The following SAMHD1 variants were observed in gnomAD, a reference collection of about 807,000 sequenced individuals.
SAMHD1 encodes SAM and HD domain containing deoxynucleoside triphosphate triphosphohydrolase 1.
SAMHD1 carries 54 observed loss-of-function variants against 79.6 expected under a neutral mutation model. The ratio of observed to expected loss-of-function variants is 0.68; its 90% confidence interval spans 0.55 to 0.85. The LOEUF (loss-of-function observed/expected upper bound fraction) is 0.85, where lower values mean the gene tolerates loss of function less well. Among genes scored for constraint, SAMHD1 ranks in the 40% least tolerant of loss-of-function variants. SAMHD1 has a pLI of 0.00. For synonymous variants in SAMHD1, 260 were observed against 264.1 expected (o/e 0.98, Z 0.15); for missense variants, 663 against 782.7 (o/e 0.85, Z 1.82).
At chr20:36,928,814 T>C (rs1458358074) in intron 5 of SAMHD1, among the ~76,000 whole-genome samples, 1 of 152,154 alleles carries the variant, frequency 6.6e-6, no homozygotes, top group African/African-American at 2.4e-5. Flanking sequence ...CTCAGCACTT[T>C]GGGAGGCTGA....
At position 36,892,792 on chromosome 20, in the gene SAMHD1, G is replaced by T. The variant is rs1314819468; in HGVS notation, c.*140C>A. 7.5e-6 allele frequency: 8 copies of T among 1,073,374 alleles called. No homozygotes were observed. The highest frequency in any genetic ancestry group is 1.3e-5 in the South Asian group (1 of 78,668). The allele number at this position is 1,073,374 out of a possible 1,614,324, so 66.5% of individuals were successfully genotyped here. On this transcript the variant is annotated 3_prime_UTR_variant, in exon 16 of 16. Coordinates refer to ENST00000646673, the MANE Select transcript of SAMHD1 (RefSeq NM_015474.4). ...TACCATCTTATTTCTTTGATTAAAA[G>T]TTACTTAGCTTCAGCATGCGTGTAC...
At chr20:36,942,947 C>T (rs1454116120) in intron 2 of SAMHD1, among the ~76,000 whole-genome samples, 5 of 152,152 alleles carry the variant, frequency 3.3e-5, no homozygotes, top group African/African-American at 7.2e-5. Context: ...TGAGCCACCA[C>T]GCCTGGCCTG....
intron 13 of SAMHD1, 42 bp downstream of exon 13, chr20:36,904,115 T>C (rs746837403): frequency 7.6e-7 from 1 of 1,324,094 alleles, no homozygotes; most frequent in South Asian, 1.2e-5. Flanking sequence ...GCTTTATCTT[T>C]AAAACGTATT....
chr20:36,894,040 C>G (rs1027053718), intron 15 of SAMHD1: 6 of 397,376 alleles, frequency 1.5e-5, no homozygotes, highest in African/African-American at 1.2e-4. Flanking sequence ...CAGGTGGCCC[C>G]AGCTCCTGGA....
intron 9 of SAMHD1, among the ~76,000 whole-genome samples, chr20:36,915,469 G>C (rs545029384): frequency 6.6e-6 from 1 of 152,160 alleles, no homozygotes; most frequent in Non-Finnish European, 1.5e-5. Flanking sequence ...AGGTACAGTG[G>C]CTTACACCTA....
chr20:36,913,756 C>CTTTTTTTTTTTTTTTTTTTTTATT (rs35178473), intron 9 of SAMHD1, among the ~76,000 whole-genome samples: 1 of 135,344 alleles, frequency 7.4e-6, no homozygotes, highest in Non-Finnish European at 1.6e-5. Context: ...TCATTCTTGA[C>CTTTTTTTTTTTTTTTTTTTTTATT]TTTTTTTTTT....
At chr20:36,919,762 T>G (rs987458196) in intron 6 of SAMHD1, among the ~76,000 whole-genome samples, 4 of 152,118 alleles carry the variant, frequency 2.6e-5, no homozygotes, top group Non-Finnish European at 5.9e-5. Context: ...TTTAATGATA[T>G]AATCATTTAC....
chr20:36,898,276 C>T (rs1198728343), intron 14 of SAMHD1, among the ~76,000 whole-genome samples, 164 bp downstream of exon 14: 2 of 152,180 alleles, frequency 1.3e-5, no homozygotes, highest in Non-Finnish European at 2.9e-5. Context: ...GATCGTCCTG[C>T]TTCAGCCTCC....
Position 36,919,663 on chromosome 20 carries a change from G to C in SAMHD1, c.697-144C>G. The C allele has an allele frequency of 3.8e-6, 3 of 780,630 alleles. No individual in the cohort carries two copies. The South Asian group carries it at 5.0e-5, about 13-fold the overall frequency. The allele number at this position is 780,630 out of a possible 1,614,324, so 48.4% of individuals were successfully genotyped here. A position where few individuals can be genotyped will look rare whatever the true frequency, so the allele number is the denominator to read the frequency against. On this transcript the variant is annotated intron_variant, in intron 6 of 15. Transcript: ENST00000646673. ...CTCTAGTTTCTAACCACAATCTTAG[G>C]AACATTTTTAAAAACCTGTCAGATT...
At chr20:36,900,265 A>C (rs572167416) in intron 13 of SAMHD1, among the ~76,000 whole-genome samples, 2 of 152,094 alleles carry the variant, frequency 1.3e-5, no homozygotes, top group South Asian at 4.1e-4. Flanking sequence ...CTTTTTTTTG[A>C]CACAGAGCCT....
chr20:36,930,892 C>T lies in SAMHD1; in HGVS notation c.510-17G>A, dbSNP rs1555835836. The T allele has an allele frequency of 5.8e-6, 9 of 1,547,600 alleles. No homozygotes were observed. The highest frequency in any genetic ancestry group is 2.2e-5 in the South Asian group (2 of 89,730). On this transcript the variant is annotated splice_polypyrimidine_tract_variant and intron_variant, in intron 4 of 15. Transcript: ENST00000646673. ...TACCCCACCCTGCAGAGCAAAAACACAAAAAGTCACTTTTCTGTTTGCAAG... is the reference window on the plus strand; with the variant it reads ...TACCCCACCCTGCAGAGCAAAAACATAAAAAGTCACTTTTCTGTTTGCAAG...
chr20:36,915,928 G>A (rs1200345288), intron 9 of SAMHD1, among the ~76,000 whole-genome samples: 3 of 152,024 alleles, frequency 2.0e-5, no homozygotes, highest in Non-Finnish European at 4.4e-5. Context: ...GGGAGGCCGA[G>A]GCGGGCAGAT....
chr20:36,911,234 G>A lies in SAMHD1; in HGVS notation c.1254C>T (p.Ala418=), dbSNP rs2148364919. The stretch of plus-strand genomic sequence containing the variant: ...ACTTCTTACCTGTCAGCTTAGTATA[G>A]GCTTCCATGTCGTCAATTGCTGTAG... ...RISTAIDDME[A]YTKLTDNIFL... is the part of the protein sequence containing the mutation. The change falls in exon 11 of 16, where the codon GCC becomes GCT. Residue 418 remains alanine, a synonymous_variant. Coordinates refer to ENST00000646673, the MANE Select transcript of SAMHD1 (RefSeq NM_015474.4). 6.2e-7 allele frequency: 1 copy of A among 1,611,890 alleles called. No homozygotes were observed. The highest frequency in any genetic ancestry group is 8.5e-7 in the Non-Finnish European group (1 of 1,178,528).
chr20:36,922,208 A>G (rs1241504088), intron 6 of SAMHD1, among the ~76,000 whole-genome samples: 1 of 152,162 alleles, frequency 6.6e-6, no homozygotes, highest in Non-Finnish European at 1.5e-5. Flanking sequence ...TGGACCAGGG[A>G]AAAAAAGTTT....
chr20:36,920,819 C>T (rs1271294688), intron 6 of SAMHD1, among the ~76,000 whole-genome samples: 1 of 151,546 alleles, frequency 6.6e-6, no homozygotes, highest in African/African-American at 2.4e-5. Flanking sequence ...CAGTGGCTCA[C>T]ATTTGTAATC....
rs935222320 is a variant in SAMHD1 at position 36,918,539 on chromosome 20, C to T, written c.852+825G>A. Among the ~76,000 whole-genome samples the T allele has an allele frequency of 1.2e-4, 18 of 151,862 alleles. No individual in the cohort carries two copies. In the East Asian group the frequency reaches 3.1e-3, roughly 26 times the overall value. ...TATGGCCGGGCGCGGTGGCGGCTCA[C>T]GCTTGTAATCCCACCACTTTGGGAG... On this transcript the variant is annotated intron_variant, in intron 7 of 15. Coordinates refer to ENST00000646673, the MANE Select transcript of SAMHD1 (RefSeq NM_015474.4).
intron 6 of SAMHD1, among the ~76,000 whole-genome samples, chr20:36,923,268 A>G (rs1408565510): frequency 6.6e-6 from 1 of 152,032 alleles, no homozygotes; most frequent in African/African-American, 2.4e-5. Context: ...CAAAGTGCTC[A>G]GATTACAGGC....
intron 4 of SAMHD1, among the ~76,000 whole-genome samples, chr20:36,931,472 C>T (rs779684859): frequency 6.6e-6 from 1 of 151,952 alleles, no homozygotes; most frequent in African/African-American, 2.4e-5. Flanking sequence ...CCCATCTCTA[C>T]TAAAAAATAC....
intron 2 of SAMHD1, among the ~76,000 whole-genome samples, chr20:36,942,536 T>C (rs1162693557): frequency 6.6e-6 from 1 of 152,230 alleles, no homozygotes; most frequent in Non-Finnish European, 1.5e-5. Context: ...AAAGAAGTCA[T>C]GGGCCAGGAT....
Sources: allele counts gnomAD v4.1 joint callset (sites outside exome capture counted in the v4.1 genomes callset), GRCh38; gene constraint gnomAD v4.1.1; transcripts MANE v1.5; gene names NCBI Gene and HGNC (gene_info 2026-07-23, HGNC 2026-07-21).